ASTN1: variants seen among roughly 807,000 people sequenced by gnomAD.
ASTN1 encodes the protein astrotactin 1.
ASTN1 carries 41 observed loss-of-function variants against 140.7 expected under a neutral mutation model. That is an observed-to-expected ratio of 0.29 (90% CI 0.23 to 0.38). ASTN1 has a LOEUF of 0.38. ASTN1 is among the 10% of genes least tolerant of loss of function. The pLI, the probability that ASTN1 is intolerant of heterozygous loss-of-function variation, is 1.00. For missense variants in ASTN1, 1,479 were observed against 1,678.8 expected (o/e 0.88, Z 2.08); for synonymous variants, 640 against 652.2 (o/e 0.98, Z 0.29).
chr1:176,910,834 C>T (rs937804106), intron 16 of ASTN1, among the ~76,000 whole-genome samples: 7 of 152,150 alleles, frequency 4.6e-5, no homozygotes, highest in African/African-American at 1.4e-4. Context: ...GTCACATCAG[C>T]GGTGGCATTA....
chr1:177,083,745 G>T (rs1209543013), intron 1 of ASTN1, among the ~76,000 whole-genome samples: 2 of 151,996 alleles, frequency 1.3e-5, no homozygotes, highest in African/African-American at 4.8e-5. Context: ...TCTCATAAGT[G>T]GACAACTACT....
At chr1:177,163,917 G>A (rs1647540213) in intron 1 of ASTN1, among the ~76,000 whole-genome samples, 1 of 152,156 alleles carries the variant, frequency 6.6e-6, no homozygotes, top group Non-Finnish European at 1.5e-5. Context: ...CTTGCACATA[G>A]CTGGCAAGGT....
intron 8 of ASTN1, among the ~76,000 whole-genome samples, chr1:176,999,232 A>G (rs1269389561): frequency 1.3e-5 from 2 of 152,224 alleles, no homozygotes; most frequent in Non-Finnish European, 2.9e-5. Flanking sequence ...GAGAAAGAGG[A>G]TGGATCAATT....
chr1:177,104,685 A>T (rs548856788), intron 1 of ASTN1, among the ~76,000 whole-genome samples: 84 of 152,358 alleles, frequency 5.5e-4, no homozygotes, highest in South Asian at 5.4e-3. Context: ...TTTCCTTCCC[A>T]GCAAAAGCAA....
intron 17 of ASTN1, among the ~76,000 whole-genome samples, chr1:176,893,453 C>T (rs1485004904): frequency 6.6e-6 from 1 of 152,156 alleles, no homozygotes; most frequent in South Asian, 2.1e-4. Context: ...TGAAGACAAA[C>T]GTGTAGGCCA....
intron 14 of ASTN1, among the ~76,000 whole-genome samples, chr1:176,943,024 C>T (rs1451695042): frequency 1.3e-5 from 2 of 151,300 alleles, no homozygotes; most frequent in Non-Finnish European, 2.9e-5. Flanking sequence ...CTGTCTCAGA[C>T]TTTCTGGGTC....
chr1:177,115,655 A>AAAATAAATAAAT (rs3041964), intron 1 of ASTN1, among the ~76,000 whole-genome samples: 161 of 141,960 alleles, frequency 1.1e-3, no homozygotes, highest in African/African-American at 2.1e-3. Flanking sequence ...AGACTGTGTC[A>AAAATAAATAAAT]AAATAAATAA....
intron 16 of ASTN1, among the ~76,000 whole-genome samples, chr1:176,905,455 G>C (rs1669946064): frequency 6.6e-6 from 1 of 152,188 alleles, no homozygotes; most frequent in Non-Finnish European, 1.5e-5. Flanking sequence ...TGTTGTAAGA[G>C]TCTCCATTTT....
At chr1:176,958,987 T>C (rs1240335046) in intron 9 of ASTN1, among the ~76,000 whole-genome samples, 1 of 152,018 alleles carries the variant, frequency 6.6e-6, no homozygotes, top group Non-Finnish European at 1.5e-5. Context: ...GCCAAGAGCC[T>C]CCAGGGAGGA....
At chr1:177,039,826 A>C (rs921597423) in intron 2 of ASTN1, among the ~76,000 whole-genome samples, 1 of 152,202 alleles carries the variant, frequency 6.6e-6, no homozygotes, top group African/African-American at 2.4e-5. Flanking sequence ...GGGTAGATAA[A>C]ATGTGCATTC....
At chr1:176,927,645 G>A (rs1671027938) in intron 16 of ASTN1, among the ~76,000 whole-genome samples, 1 of 152,068 alleles carries the variant, frequency 6.6e-6, no homozygotes, top group Non-Finnish European at 1.5e-5. Flanking sequence ...AACAAAATGT[G>A]GATGTTAATT....
chr1:176,900,834 C>T (rs1023685936), intron 16 of ASTN1, among the ~76,000 whole-genome samples: 1 of 152,192 alleles, frequency 6.6e-6, no homozygotes, highest in Non-Finnish European at 1.5e-5. Flanking sequence ...CACTTACCTG[C>T]CCTGCTCACC....
chr1:176,869,953 G>A (rs1234687839), intron 21 of ASTN1, among the ~76,000 whole-genome samples: 1 of 152,068 alleles, frequency 6.6e-6, no homozygotes, highest in Non-Finnish European at 1.5e-5. Context: ...GCAGATCTGT[G>A]GAGACCCAGA....
chr1:177,078,490 G>A (rs1679027941), intron 1 of ASTN1, among the ~76,000 whole-genome samples: 1 of 152,126 alleles, frequency 6.6e-6, no homozygotes, highest in Non-Finnish European at 1.5e-5. Context: ...GAATCCCACA[G>A]AGGGCTCTTC....
intron 1 of ASTN1, among the ~76,000 whole-genome samples, chr1:177,084,216 A>G (rs1679316474): frequency 1.3e-5 from 2 of 152,170 alleles, no homozygotes; most frequent in African/African-American, 4.8e-5. Context: ...GCTTGCAGGT[A>G]CCACAGTTCG....
intron 1 of ASTN1, among the ~76,000 whole-genome samples, chr1:177,081,696 C>T (rs1041643331): frequency 2.6e-5 from 4 of 151,980 alleles, no homozygotes; most frequent in African/African-American, 2.4e-5. Flanking sequence ...GTAGGTTGTA[C>T]GAAGATGGGG....
intron 1 of ASTN1, among the ~76,000 whole-genome samples, chr1:177,143,080 G>A (rs1031322601): frequency 1.3e-5 from 2 of 152,122 alleles, no homozygotes; most frequent in Non-Finnish European, 1.5e-5. Context: ...AACCCCTAAA[G>A]AGCTACCTTG....
At chr1:177,123,971 AG>A (rs1681522555) in intron 1 of ASTN1, among the ~76,000 whole-genome samples, 1 of 152,158 alleles carries the variant, frequency 6.6e-6, no homozygotes. Context: ...ATTGTGTAAA[AG>A]GTTTGATTTA....
intron 16 of ASTN1, among the ~76,000 whole-genome samples, chr1:176,931,432 C>A (rs4650954): frequency 0.12 from 17,890 of 152,160 alleles, 1,335 homozygotes; most frequent in Admixed American, 0.18. Context: ...CGCCATTGCA[C>A]TACAGCCTGG....
Sources: gnomAD v4.1 joint callset for allele counts (sites outside exome capture counted in the v4.1 genomes callset) on GRCh38, gnomAD v4.1.1 for gene constraint, MANE v1.5 for transcripts, NCBI Gene and HGNC (gene_info 2026-07-23, HGNC 2026-07-21) for gene names.